Variants in NAV1 observed in about 807,000 individuals in gnomAD.
NAV1 encodes neuron navigator 1.
A neutral mutation model predicts 175.2 loss-of-function variants in NAV1; 18 were observed. The observed-to-expected ratio is 0.10, with a 90% CI of 0.07 to 0.15. NAV1 has a LOEUF of 0.15. Ranked by LOEUF, NAV1 falls within the 10% of genes least tolerant of loss-of-function variation. The probability of loss-of-function intolerance (pLI) is 1.00; values close to 1 mark genes in which losing one functional copy is unlikely to be tolerated. For synonymous variants in NAV1, 897 were observed against 978.7 expected, an observed-to-expected ratio of 0.92 and a Z score of 1.56; for missense variants, 1,731 against 2,436.6, an observed-to-expected ratio of 0.71 and a Z score of 6.10.
intron 1 of NAV1, among the ~76,000 whole-genome samples, chr1:201,587,084 A>AC (rs1667052511): frequency 6.6e-6 from 1 of 150,704 alleles, no homozygotes; most frequent in Non-Finnish European, 1.5e-5. Context: ...GGTGGTGCGC[A>AC]CCTGTAGTCC....
intron 2 of NAV1, among the ~76,000 whole-genome samples, chr1:201,610,960 C>T (rs552033160): frequency 1.3e-5 from 2 of 152,056 alleles, no homozygotes; most frequent in African/African-American, 4.8e-5. Flanking sequence ...CTGGGGGTGG[C>T]GAAGGGGAGG....
At chr1:201,580,721 G>A (rs1042957054) in intron 1 of NAV1, among the ~76,000 whole-genome samples, 7 of 151,718 alleles carry the variant, frequency 4.6e-5, no homozygotes, top group African/African-American at 1.5e-4. Flanking sequence ...GCAGTGAGCC[G>A]AGATCCCACC....
At chr1:201,607,733 C>G (rs919524138) in intron 2 of NAV1, among the ~76,000 whole-genome samples, 5 of 152,122 alleles carry the variant, frequency 3.3e-5, no homozygotes, top group African/African-American at 1.2e-4. Context: ...TTCAAGTGAT[C>G]CACCCACCTC....
At chr1:201,772,121 T>C (rs1023965428) in intron 3 of NAV1, among the ~76,000 whole-genome samples, 2 of 152,188 alleles carry the variant, frequency 1.3e-5, no homozygotes, top group Admixed American at 6.5e-5. Flanking sequence ...GGAAATATAG[T>C]CTAGTGAAAA....
In NAV1 at chr1:201,607,870, T is replaced by TTTTGTG. The variant is rs565100210; in HGVS notation, c.-32-14982_-32-14981insTTGTGT. Among the ~76,000 whole-genome samples the TTTTGTG allele has an allele frequency of 8.6e-4, 119 of 138,272 alleles. 2 individuals carry two copies. Among genetic ancestry groups the TTTTGTG allele is most frequent in the African/African-American group, 3.2e-3 (116 of 36,644 alleles). 90.7% of individuals were successfully genotyped at this position (138,272 alleles called of 152,430 possible). On this transcript the variant is annotated intron_variant, in intron 2 of 33. Coordinates refer to the NAV1 transcript ENST00000685211. ...AATATATAGTATAATGATAACTTTATTGTGTGTGTGTGTGTGTGTGTGTGT... is the reference window on the plus strand; with the variant it reads ...AATATATAGTATAATGATAACTTTATTTTGTGTGTGTGTGTGTGTGTGTGTGTGTGT...
rs572117228 is a variant in NAV1 at position 201,807,498 on chromosome 1, G to T, written c.3649-455G>T. ...TAGACTGAGCGGTTATTGTTCTGCT[G>T]CAGAAGGTGGGATTGGATCACTGAG... On this transcript the variant is annotated intron_variant, in intron 17 of 29. Transcript: ENST00000367296. This position sits in a 1 kb window ranked among gnomAD's most constrained non-coding sequence, Gnocchi z 5.4. 9.2e-5 allele frequency among the ~76,000 whole-genome samples: 14 copies of T among 152,300 alleles called. No homozygotes were observed. Among genetic ancestry groups the T allele is most frequent in the Admixed American group, 3.9e-4 (6 of 15,302 alleles).
chr1:201,666,210 C>T (rs1216676968), intron 1 of NAV1, among the ~76,000 whole-genome samples: 2 of 152,136 alleles, frequency 1.3e-5, no homozygotes, highest in African/African-American at 4.8e-5. Context: ...GCCAGCACCT[C>T]CTTCTCCATC....
chr1:201,649,477 T>A (rs756437831), intron 1 of NAV1, 52 bp downstream of exon 5: 97 of 1,440,430 alleles, frequency 6.7e-5, no homozygotes, highest in Non-Finnish European at 7.3e-6. Flanking sequence ...CCTAACCAGC[T>A]GCTGGGGAAG....
intron 1 of NAV1, among the ~76,000 whole-genome samples, chr1:201,699,303 A>G (rs1459479828): frequency 7.1e-6 from 1 of 141,664 alleles, no homozygotes; most frequent in Non-Finnish European, 1.6e-5. Context: ...ATAACAGACA[A>G]ACAGAGAGCC....
chr1:201,554,981 T>G (rs963415834), intron 1 of NAV1, among the ~76,000 whole-genome samples: 2 of 152,190 alleles, frequency 1.3e-5, no homozygotes, highest in African/African-American at 4.8e-5. Context: ...CACTCCGATT[T>G]CTGCCTTCAC....
At chr1:201,678,198 C>T (rs943684581) in intron 1 of NAV1, among the ~76,000 whole-genome samples, 8 of 152,202 alleles carry the variant, frequency 5.3e-5, no homozygotes, top group African/African-American at 1.7e-4. Context: ...GAGGGAGCTA[C>T]GTTATGAACT....
intron 1 of NAV1, among the ~76,000 whole-genome samples, chr1:201,661,142 G>A (rs1207781243): frequency 2.0e-5 from 3 of 152,180 alleles, no homozygotes; most frequent in Non-Finnish European, 2.9e-5. Flanking sequence ...TGATTCAGCC[G>A]CTAGACTCTA....
At chr1:201,683,352 C>T (rs1304178867) in intron 1 of NAV1, among the ~76,000 whole-genome samples, 5 of 151,992 alleles carry the variant, frequency 3.3e-5, no homozygotes, top group Non-Finnish European at 5.9e-5. Context: ...CAACAGGGAC[C>T]GGTTTCATGG....
At chr1:201,800,431 C>G (rs141256756) in intron 15 of NAV1, among the ~76,000 whole-genome samples, 215 of 152,356 alleles carry the variant, frequency 1.4e-3, no homozygotes, top group African/African-American at 5.0e-3. Context: ...TGGCTCACCA[C>G]TCTGTTTGTA....
intron 1 of NAV1, among the ~76,000 whole-genome samples, chr1:201,567,967 T>C (rs928423275): frequency 7.2e-5 from 11 of 152,278 alleles, no homozygotes; most frequent in African/African-American, 1.4e-4. Context: ...ACCAGCTGTG[T>C]GTCCAGCTGT....
chr1:201,789,020 C>T (rs1004395784), intron 10 of NAV1, among the ~76,000 whole-genome samples: 4 of 152,176 alleles, frequency 2.6e-5, no homozygotes, highest in Non-Finnish European at 4.4e-5. Flanking sequence ...AATAGTAGCT[C>T]TTAATAAATC....
chr1:201,731,024 A>G (rs1672834755), intron 3 of NAV1, among the ~76,000 whole-genome samples: 2 of 152,092 alleles, frequency 1.3e-5, no homozygotes, highest in Admixed American at 6.6e-5. Flanking sequence ...AAAAGGCATA[A>G]AAGTATAGAT....
intron 1 of NAV1, among the ~76,000 whole-genome samples, chr1:201,551,657 A>G (rs1665858528): frequency 6.6e-6 from 1 of 152,174 alleles, no homozygotes; most frequent in South Asian, 2.1e-4. Flanking sequence ...CTTGAGATTT[A>G]TTTCTCAATA....
Position 201,808,746 on chromosome 1 carries a change from T to C in NAV1, c.4082T>C (p.Val1361Ala). 6.2e-7 allele frequency: 1 copy of C among 1,614,146 alleles called. No individual in the cohort carries two copies. The highest frequency in any genetic ancestry group is 8.5e-7 in the Non-Finnish European group (1 of 1,180,020). ...AAAGCAGAGAATGACCGACTGAAGG[T>C]AGCCCCAGGCCCCTCATCAGGCTCC... is the stretch of plus-strand genomic sequence containing the variant. Residue 1361 changes from valine (V) to alanine (A), a missense_variant, in exon 20 of 30, where the codon GTA becomes GCA. This residue lies in a region of NAV1 where 122 missense variants were observed against 139.4 expected (regional missense o/e 0.88). Transcript: ENST00000367296. The surrounding 1 kb of genome is among the most constrained non-coding windows in gnomAD (Gnocchi z 5.5).
Sources: gnomAD v4.1 joint callset for allele counts (sites outside exome capture counted in the v4.1 genomes callset) on GRCh38, gnomAD v4.1.1 for gene constraint, gnomAD v4.1.1 regional missense constraint, Gnocchi (gnomAD v3.1) non-coding constraint, MANE v1.5 for transcripts, NCBI Gene and HGNC (gene_info 2026-07-23, HGNC 2026-07-21) for gene names.